Variants in ARID1B observed in about 807,000 individuals in gnomAD.
ARID1B encodes AT-rich interactive domain-containing protein 1B.
A neutral mutation model predicts 212.3 loss-of-function variants in ARID1B; 30 were observed. That is an observed-to-expected ratio of 0.14 (90% CI 0.11 to 0.19). The LOEUF (loss-of-function observed/expected upper bound fraction) is 0.19. ARID1B is among the 10% of genes least tolerant of loss of function. The pLI is 1.00. For missense variants in ARID1B, 2,891 were observed against 3,204.0 expected, an observed-to-expected ratio of 0.90 and a Z score of 2.36; for synonymous variants, 1,402 against 1,301.7, an observed-to-expected ratio of 1.08 and a Z score of -1.66.
chr6:157,019,015 G>A (rs1374674701), intron 4 of ARID1B, among the ~76,000 whole-genome samples: 1 of 152,116 alleles, frequency 6.6e-6, no homozygotes, highest in Non-Finnish European at 1.5e-5. Context: ...ATCATGACAG[G>A]GTGCTTCATA....
chr6:157,154,813 C>A (rs566549363), intron 8 of ARID1B, among the ~76,000 whole-genome samples: 3 of 152,064 alleles, frequency 2.0e-5, no homozygotes, highest in Admixed American at 2.0e-4. Context: ...GATCTCTTAA[C>A]GTCGTGATCC....
chr6:157,182,530 G>A (rs1316663830), intron 12 of ARID1B, among the ~76,000 whole-genome samples: 4 of 152,052 alleles, frequency 2.6e-5, no homozygotes, highest in Admixed American at 6.6e-5. Context: ...AGGTGGCGGG[G>A]GTCACTAACT....
At chr6:157,197,796 A>T (rs991370368) in intron 16 of ARID1B, among the ~76,000 whole-genome samples, 57 of 152,330 alleles carry the variant, frequency 3.7e-4, no homozygotes, top group African/African-American at 1.3e-3. Flanking sequence ...GGTTTACCTC[A>T]TTGTTAAGTT....
rs1025344941 is a variant in ARID1B at position 157,190,606 on chromosome 6, G to A, written c.4231+396G>A. ...GCTGGCAGCCGCGGTAAGTAAGCAC[G>A]CACTTCACGGCACTTGGCATGGTGG... On this transcript the variant is annotated intron_variant, in intron 15 of 19. Transcript: ENST00000636930. The surrounding 1 kb of genome is among the most constrained non-coding windows in gnomAD (Gnocchi z 4.6). Among the ~76,000 whole-genome samples the A allele has an allele frequency of 7.9e-5, 12 of 152,220 alleles. No individual in the cohort carries two copies. Among genetic ancestry groups the A allele is most frequent in the African/African-American group, 1.4e-4 (6 of 41,454 alleles).
At position 157,209,055 on chromosome 6, in the gene ARID1B, A is replaced by G. The variant is rs1174818564; in HGVS notation, c.*1164A>G. 4.3e-6 allele frequency: 1 copy of G among 230,538 alleles called. No homozygotes were observed. Among genetic ancestry groups the G allele is most frequent in the Non-Finnish European group, 8.6e-6 (1 of 116,426 alleles). 14.3% of individuals were successfully genotyped at this position (230,538 alleles called of 1,614,324 possible). A position where few individuals can be genotyped will look rare whatever the true frequency, so the allele number is the denominator to read the frequency against. ...AAGAGAAAATGAAAAAAATACAACT[A>G]AAAGGAAGAAACACAACTTCAAAGA... On this transcript the variant is annotated 3_prime_UTR_variant, in exon 20 of 20. Coordinates refer to ENST00000636930, the MANE Select transcript of ARID1B (RefSeq NM_001374828.1).
chr6:157,148,194 C>T lies in ARID1B; in HGVS notation c.2762-430C>T, dbSNP rs1211909626. On this transcript the variant is annotated intron_variant, in intron 7 of 19. Transcript: ENST00000636930. This position sits in a 1 kb window ranked among gnomAD's most constrained non-coding sequence, Gnocchi z 5.6. ...CGTCTTACACGTTGTCTTTTTGAGC[C>T]CTTTCACATGACTGTTGAAGGTAGC... Among the ~76,000 whole-genome samples the T allele has an allele frequency of 6.6e-6, 1 of 151,978 alleles. No homozygotes were observed. The highest frequency in any genetic ancestry group is 2.4e-5 in the African/African-American group (1 of 41,364).
chr6:157,004,962 G>GA (rs1779155416), intron 4 of ARID1B, among the ~76,000 whole-genome samples: 1 of 122,138 alleles, frequency 8.2e-6, no homozygotes, highest in African/African-American at 3.1e-5. Flanking sequence ...GTCCAGGCTG[G>GA]AGTACAGTGG....
intron 1 of ARID1B, among the ~76,000 whole-genome samples, chr6:156,815,101 C>T (rs924142305): frequency 5.3e-5 from 8 of 152,088 alleles, no homozygotes; most frequent in African/African-American, 1.7e-4. Flanking sequence ...TTGTAAATTC[C>T]TAAAATTTCT....
At chr6:157,088,153 T>C (rs1490559320) in intron 5 of ARID1B, among the ~76,000 whole-genome samples, 1 of 152,220 alleles carries the variant, frequency 6.6e-6, no homozygotes, top group Non-Finnish European at 1.5e-5. Flanking sequence ...CTTCAACAGG[T>C]GCTCATTGCA....
intron 1 of ARID1B, among the ~76,000 whole-genome samples, chr6:156,794,909 A>T (rs907330340): frequency 2.0e-5 from 3 of 152,034 alleles, no homozygotes; most frequent in African/African-American, 7.3e-5. Context: ...AGGAGCTTTT[A>T]GTGTATTTTG....
chr6:157,060,645 T>C (rs1783282060), intron 4 of ARID1B, among the ~76,000 whole-genome samples: 1 of 147,870 alleles, frequency 6.8e-6, no homozygotes, highest in African/African-American at 2.5e-5. Flanking sequence ...TTTTTTTTTT[T>C]TTTTTTTTTT....
chr6:156,931,814 T>C (rs55858060), intron 3 of ARID1B, among the ~76,000 whole-genome samples: 12,651 of 151,380 alleles, frequency 0.084, 1,150 homozygotes, highest in African/African-American at 0.23. Context: ...GATACAAAAT[T>C]AGCAAGGCAT....
At chr6:156,811,908 G>A (rs1223012421) in intron 1 of ARID1B, among the ~76,000 whole-genome samples, 1 of 152,104 alleles carries the variant, frequency 6.6e-6, no homozygotes, top group East Asian at 1.9e-4. Flanking sequence ...TCCCCAAAAA[G>A]CATCATGACC....
chr6:157,048,248 A>G (rs1300488448), intron 4 of ARID1B, among the ~76,000 whole-genome samples: 3 of 152,214 alleles, frequency 2.0e-5, no homozygotes, highest in African/African-American at 4.8e-5. Flanking sequence ...TAAAGAATAT[A>G]TCAGGGATGA....
rs1490897813 is a variant in ARID1B at position 156,856,722 on chromosome 6, A to T, written c.1986+27301A>T. On this transcript the variant is annotated intron_variant, in intron 2 of 19. Coordinates refer to ENST00000636930, the MANE Select transcript of ARID1B (RefSeq NM_001374828.1). ...CTCTCACACACACACACACACACAC[A>T]CACACACACACACACACACAAACTG... Among the ~76,000 whole-genome samples the T allele has an allele frequency of 2.1e-3, 304 of 142,902 alleles. 1 individual carries two copies. Among genetic ancestry groups the T allele is most frequent in the African/African-American group, 7.2e-3 (284 of 39,502 alleles). The allele number at this position is 142,902 out of a possible 152,430, so 93.7% of individuals were successfully genotyped here.
In ARID1B at chr6:157,004,890, C is replaced by CTTTTTTGTTTTTTTTTTTTTTTTTTT. The variant is rs1779118895; in HGVS notation, c.2247+69320_2247+69321insGTTTTTTTTTTTTTTTTTTTTTTTTT. On this transcript the variant is annotated intron_variant, in intron 4 of 19. Coordinates refer to ENST00000636930, the MANE Select transcript of ARID1B (RefSeq NM_001374828.1). The stretch of plus-strand genomic sequence containing the variant: ...GCATTTCTTTTTTCTTTTTCTTCTT[C>CTTTTTTGTTTTTTTTTTTTTTTTTTT]TTTTTTCTTTTTTTTTTTTTTTTTT... Among the ~76,000 whole-genome samples the CTTTTTTGTTTTTTTTTTTTTTTTTTT allele has an allele frequency of 1.0e-3, 37 of 35,694 alleles. 5 individuals are homozygous for CTTTTTTGTTTTTTTTTTTTTTTTTTT. The highest frequency in any genetic ancestry group is 1.8e-3 in the Non-Finnish European group (25 of 13,822). The allele number at this position is 35,694 out of a possible 152,430, so 23.4% of individuals were successfully genotyped here.
At chr6:157,100,466 T>G (rs1194182350) in intron 5 of ARID1B, among the ~76,000 whole-genome samples, 1 of 152,216 alleles carries the variant, frequency 6.6e-6, no homozygotes, top group Non-Finnish European at 1.5e-5. Context: ...CCAGCCTGCT[T>G]CTTCATTCTG....
intron 3 of ARID1B, among the ~76,000 whole-genome samples, chr6:156,917,470 A>C (rs1024031712): frequency 6.6e-6 from 1 of 152,118 alleles, no homozygotes; most frequent in Non-Finnish European, 1.5e-5. Flanking sequence ...TCAAGCTGTG[A>C]TTCTAGTGTT....
chr6:157,172,271 G>A (rs182823422), intron 9 of ARID1B, among the ~76,000 whole-genome samples: 8 of 152,210 alleles, frequency 5.3e-5, no homozygotes, highest in African/African-American at 9.6e-5. Flanking sequence ...GGCGGTCTTC[G>A]CGGTGTAATA....
Sources: allele counts gnomAD v4.1 joint callset (sites outside exome capture counted in the v4.1 genomes callset), GRCh38; gene constraint gnomAD v4.1.1; non-coding constraint Gnocchi (gnomAD v3.1); transcripts MANE v1.5; gene names NCBI Gene and HGNC (gene_info 2026-07-23, HGNC 2026-07-21).